The following NOD2 variants were observed in gnomAD, a reference collection of about 807,000 sequenced individuals.
NOD2 encodes the protein nucleotide binding oligomerization domain containing 2.
Under a neutral mutation model 90.9 loss-of-function variants are expected in NOD2, and 86 were observed. The ratio of observed to expected loss-of-function variants is 0.95; its 90% CI spans 0.79 to 1.13. The LOEUF (loss-of-function observed/expected upper bound fraction) is 1.13. NOD2 is among the 50% of genes most tolerant of loss of function. The pLI, the probability that NOD2 is intolerant of heterozygous loss-of-function variation, is 0.00. For missense variants in NOD2, 1,238 were observed against 1,283.8 expected (o/e 0.96, Z 0.55); for synonymous variants, 581 against 554.6 (o/e 1.05, Z -0.67).
intron 2 of NOD2, among the ~76,000 whole-genome samples, chr16:50,706,698 C>CTTT (rs529592403): frequency 7.1e-5 from 10 of 140,580 alleles, no homozygotes; most frequent in African/African-American, 1.8e-4. Flanking sequence ...CTATTTCTTT[C>CTTT]TTTTTTTTTT....
At position 50,700,058 on chromosome 16, in the gene NOD2, A is replaced by G. The variant is rs2111235; in HGVS notation, c.459+104A>G. 0.65 allele frequency: 708,233 copies of G among 1,093,490 alleles called. 236,081 individuals are homozygous for G. Among genetic ancestry groups the G allele is most frequent in the Middle Eastern group, 0.69 (2,770 of 4,016 alleles). 67.7% of individuals were successfully genotyped at this position (1,093,490 alleles called of 1,614,324 possible). A position where few individuals can be genotyped will look rare whatever the true frequency, so the allele number is the denominator to read the frequency against. On this transcript the variant is annotated intron_variant, in intron 2 of 11. Transcript: ENST00000647318. ...GTCAGCCTGTGGGGTAACTTGGTCC[A>G]TGGGATTTCCCCTAAAAAGGTAGCC...
intron 2 of NOD2, among the ~76,000 whole-genome samples, chr16:50,702,741 G>A (rs1344628907): frequency 6.6e-6 from 1 of 152,176 alleles, no homozygotes; most frequent in African/African-American, 2.4e-5. Context: ...AGCCTCACAA[G>A]GGTATAGTGT....
intron 2 of NOD2, among the ~76,000 whole-genome samples, chr16:50,703,821 G>A (rs1245979618): frequency 1.3e-5 from 2 of 152,168 alleles, no homozygotes; most frequent in Admixed American, 1.3e-4. Flanking sequence ...ACCTCTTCTG[G>A]GAAGTCAGTC....
intron 7 of NOD2, among the ~76,000 whole-genome samples, chr16:50,720,351 C>T (rs150970652): frequency 1.7e-3 from 257 of 152,292 alleles, no homozygotes; most frequent in African/African-American, 2.4e-3. Context: ...CCACCCCAGA[C>T]TGATGAAATG....
In NOD2 at chr16:50,718,636, C is replaced by T. The variant is rs115600893; in HGVS notation, c.2550-1289C>T. Among the ~76,000 whole-genome samples the T allele has an allele frequency of 9.5e-3, 1,443 of 152,322 alleles. 27 individuals carry two copies. Among genetic ancestry groups the T allele is most frequent in the African/African-American group, 0.033 (1,380 of 41,554 alleles). ...CCGAGGTTTGAACCCTCATTAGCTG[C>T]GTGACCTCAGGTCAGCCCAATGTCT... On this transcript the variant is annotated intron_variant, in intron 6 of 11. Transcript: ENST00000647318.
At chr16:50,695,956 TGAA>T (rs1210067921) in intron 1 of NOD2, among the ~76,000 whole-genome samples, 1 of 152,012 alleles carries the variant, frequency 6.6e-6, no homozygotes, top group African/African-American at 2.4e-5. Flanking sequence ...TGGAGCCAAA[TGAA>T]GAAGGGGAGT....
chr16:50,724,599 T>C (rs1322872951), intron 9 of NOD2, among the ~76,000 whole-genome samples: 3 of 152,206 alleles, frequency 2.0e-5, no homozygotes, highest in African/African-American at 4.8e-5. Context: ...TATATGGATA[T>C]AGACTGATCA....
At chr16:50,702,280 A>G (rs1248750961) in intron 2 of NOD2, among the ~76,000 whole-genome samples, 1 of 152,240 alleles carries the variant, frequency 6.6e-6, no homozygotes, top group Non-Finnish European at 1.5e-5. Flanking sequence ...GAAAGGGCTA[A>G]ATAGACAGCA....
chr16:50,712,428 G>A (rs1271156067), intron 4 of NOD2, 55 bp downstream of exon 4: 3 of 1,606,124 alleles, frequency 1.9e-6, no homozygotes, highest in Admixed American at 3.3e-5. Context: ...TCAAGGCTAA[G>A]TGTGGGAGCA....
chr16:50,721,524 C>T (rs1965061269), intron 7 of NOD2, among the ~76,000 whole-genome samples: 1 of 151,958 alleles, frequency 6.6e-6, no homozygotes, highest in Non-Finnish European at 1.5e-5. Flanking sequence ...AAGGGTCTCA[C>T]TCTGTCACCC....
Position 50,711,692 on chromosome 16 carries a change from G to A in NOD2, c.1700G>A (p.Gly567Glu). Reference sequence around the variant, plus strand: ...GTGCGTGCCAAAGGTGTCGTGCCAGGGAGTACGGCGCCCCTGGAATTCCTT... The same window carrying A: ...GTGCGTGCCAAAGGTGTCGTGCCAGAGAGTACGGCGCCCCTGGAATTCCTT... ...FLVRAKGVVP[G>E]STAPLEFLHI... Residue 567 changes from glycine to glutamate, a missense_variant, in exon 4 of 12, where the codon GGG becomes GAG. Physicochemically the swap from Gly to Glu is moderately conservative, Grantham distance 98. Coordinates refer to ENST00000647318, the MANE Select transcript of NOD2 (RefSeq NM_001370466.1). 1 of 1,613,902 alleles carries A rather than the reference G, an allele frequency of 6.2e-7. No homozygotes were observed. Among genetic ancestry groups the A allele is most frequent in the Non-Finnish European group, 8.5e-7 (1 of 1,180,010 alleles).
At chr16:50,721,254 G>C (rs1005182775) in intron 7 of NOD2, among the ~76,000 whole-genome samples, 2 of 151,650 alleles carry the variant, frequency 1.3e-5, no homozygotes, top group African/African-American at 4.9e-5. Context: ...TGCCACATCA[G>C]GGGTATTTAC....
rs778995814 is a variant in NOD2, at chr16:50,710,843, G to A, written c.851G>A (p.Arg284Gln). 85 of 1,613,954 alleles carry A rather than the reference G, an allele frequency of 5.3e-5. 1 individual carries two copies. The South Asian group carries it at 7.0e-4, about 13-fold the overall frequency. The change falls in exon 4 of 12, where the codon CGG becomes CAG. Residue 284 changes from arginine to glutamine, a missense_variant. Arg to Gln is a conservative substitution (Grantham distance 43, BLOSUM62 1). Coordinates refer to ENST00000647318, the MANE Select transcript of NOD2 (RefSeq NM_001370466.1). ...AGTGGCAAGAGCACGCTCCTGCAGC[G>A]GCTGCACTTGCTGTGGGCTGCAGGG... is the stretch of plus-strand genomic sequence containing the variant. ...AGSGKSTLLQ[R>Q]LHLLWAAGQD...
chr16:50,706,240 T>A (rs545641532), intron 2 of NOD2, among the ~76,000 whole-genome samples: 1 of 152,196 alleles, frequency 6.6e-6, no homozygotes, highest in East Asian at 1.9e-4. Flanking sequence ...AGAGGGGGCA[T>A]GAAAGGAGAA....
At chr16:50,709,983 C>A in intron 3 of NOD2, 1 of 455,998 alleles carries the variant, frequency 2.2e-6, no homozygotes, top group Non-Finnish European at 4.4e-6. Flanking sequence ...ATGGCTTGCC[C>A]AAGTGTATGG....
intron 7 of NOD2, among the ~76,000 whole-genome samples, chr16:50,722,174 G>A (rs1029689808): frequency 6.6e-6 from 1 of 152,210 alleles, no homozygotes; most frequent in South Asian, 2.1e-4. Context: ...AATTAGGGGT[G>A]TTAGGAAGAA....
intron 1 of NOD2, among the ~76,000 whole-genome samples, chr16:50,696,948 A>G (rs1310471185): frequency 6.6e-6 from 1 of 152,190 alleles, no homozygotes; most frequent in Non-Finnish European, 1.5e-5. Flanking sequence ...AGGGGCCCCT[A>G]CTTACTTGTG....
chr16:50,718,036 A>T (rs1964877321), intron 6 of NOD2, among the ~76,000 whole-genome samples: 3 of 152,250 alleles, frequency 2.0e-5, no homozygotes, highest in Admixed American at 2.0e-4. Flanking sequence ...ACTCATAATA[A>T]AATAGAACAA....
In NOD2 at chr16:50,711,685, G is replaced by A. The variant is rs148683734; in HGVS notation, c.1693G>A (p.Val565Met). The A allele has an allele frequency of 1.0e-4, 164 of 1,613,718 alleles. No individual in the cohort carries two copies. In the African/African-American group the frequency reaches 1.2e-3, roughly 11 times the overall value. ...LGFLVRAKGVVPGSTAPLEFL... is the reference protein window; with the variant it reads ...LGFLVRAKGVMPGSTAPLEFL... ...CTTCCTGGTGCGTGCCAAAGGTGTC[G>A]TGCCAGGGAGTACGGCGCCCCTGGA... Residue 565 changes from valine to methionine, a missense_variant, in exon 4 of 12, where the codon GTG becomes ATG. Val to Met is a conservative substitution (Grantham distance 21, BLOSUM62 1). Around this residue, in one of 3 missense-constraint regions of NOD2, gnomAD observed 667 missense variants for 688.7 expected, o/e 0.97. Transcript: ENST00000647318.
Sources: gnomAD v4.1 joint callset for allele counts (sites outside exome capture counted in the v4.1 genomes callset) on GRCh38, gnomAD v4.1.1 for gene constraint, gnomAD v4.1.1 regional missense constraint, MANE v1.5 for transcripts, NCBI Gene and HGNC (gene_info 2026-07-23, HGNC 2026-07-21) for gene names.